PLEKHH2: variants seen among roughly 807,000 people sequenced by gnomAD.
The protein encoded by PLEKHH2 is pleckstrin homology domain-containing family H member 2.
In PLEKHH2, 129 loss-of-function variants were observed where a neutral mutation model predicts 187.9. That is an observed-to-expected ratio of 0.69 (90% confidence interval 0.59 to 0.79). The LOEUF (loss-of-function observed/expected upper bound fraction) is 0.79, where lower values mean the gene tolerates loss of function less well. Ranked by LOEUF, PLEKHH2 falls within the 30% of genes least tolerant of loss-of-function variation. The pLI is 0.00. For synonymous variants in PLEKHH2, 686 were observed against 605.6 expected, an observed-to-expected ratio of 1.13 and a Z score of -1.95; for missense variants, 2,076 against 1,751.2, an observed-to-expected ratio of 1.19 and a Z score of -3.31.
chr2:43,643,130 A>C (rs557310784), intron 1 of PLEKHH2, among the ~76,000 whole-genome samples: 1 of 152,124 alleles, frequency 6.6e-6, no homozygotes, highest in Non-Finnish European at 1.5e-5. Flanking sequence ...CTCCTAAATC[A>C]TTGCTAGTAA....
chr2:43,700,130 A>G lies in PLEKHH2; in HGVS notation c.1172A>G (p.Gln391Arg). 3 of 1,614,226 alleles carry G rather than the reference A, an allele frequency of 1.9e-6. No individual in the cohort carries two copies. Among genetic ancestry groups the G allele is most frequent in the Non-Finnish European group, 2.5e-6 (3 of 1,180,040 alleles). Residue 391 changes from glutamine (Q) to arginine (R), a missense_variant, in exon 8 of 30, where the codon CAA becomes CGA. Gln to Arg is a conservative substitution (Grantham distance 43). Transcript: ENST00000282406. ...TCGGATGAACTGAATAAAAAATTTC[A>G]ATCCCAGAGACTCGATTATTCATCT... ...SSSDELNKKF[Q>R]SQRLDYSSSS...
intron 2 of PLEKHH2, among the ~76,000 whole-genome samples, chr2:43,659,422 T>C (rs553343575): frequency 2.0e-5 from 3 of 152,182 alleles, no homozygotes; most frequent in Admixed American, 2.0e-4. Flanking sequence ...TTCATCTCTT[T>C]GACAATCCTA....
intron 19 of PLEKHH2, among the ~76,000 whole-genome samples, chr2:43,731,889 C>G (rs1271776024): frequency 6.6e-6 from 1 of 152,084 alleles, no homozygotes; most frequent in African/African-American, 2.4e-5. Flanking sequence ...TCTAATTTTC[C>G]ACATCACACC....
chr2:43,739,829 C>A (rs1459297670), intron 20 of PLEKHH2, among the ~76,000 whole-genome samples: 2 of 152,244 alleles, frequency 1.3e-5, no homozygotes, highest in Non-Finnish European at 2.9e-5. Context: ...CTGGATCCCT[C>A]CTCTTCCTTC....
chr2:43,762,218 C>T, intron 27 of PLEKHH2, 86 bp from the exon 28 acceptor site: 2 of 1,022,158 alleles, frequency 2.0e-6, no homozygotes, highest in Admixed American at 1.9e-5. Flanking sequence ...TGTTTAATGG[C>T]AAATGTTACA....
intron 6 of PLEKHH2, among the ~76,000 whole-genome samples, chr2:43,695,861 C>A (rs573365669): frequency 3.3e-5 from 5 of 152,308 alleles, no homozygotes; most frequent in Admixed American, 2.0e-4. Context: ...GCATTGAACA[C>A]TTTGGAGGAG....
At chr2:43,710,646 A>C in intron 14 of PLEKHH2, 71 bp downstream of exon 14, 4 of 1,503,848 alleles carry the variant, frequency 2.7e-6, no homozygotes, top group East Asian at 2.4e-5. Flanking sequence ...ATCCAACCTA[A>C]TGGAAAGGAG....
intron 23 of PLEKHH2, among the ~76,000 whole-genome samples, chr2:43,745,640 C>T (rs933997820): frequency 2.0e-5 from 3 of 152,140 alleles, no homozygotes; most frequent in Admixed American, 6.6e-5. Context: ...GTAAAAAATG[C>T]GTGGCCACAG....
intron 24 of PLEKHH2, among the ~76,000 whole-genome samples, chr2:43,748,114 AG>A (rs1412890603): frequency 1.3e-5 from 2 of 152,242 alleles, no homozygotes; most frequent in African/African-American, 2.4e-5. Flanking sequence ...GGCCACTTAA[AG>A]GGCCACCCAG....
intron 24 of PLEKHH2, among the ~76,000 whole-genome samples, chr2:43,746,588 C>T (rs1472969749): frequency 6.6e-6 from 1 of 152,112 alleles, no homozygotes; most frequent in East Asian, 1.9e-4. Context: ...AAAATAGTTG[C>T]TCTCTTAGAG....
At chr2:43,725,915 G>A (rs570744439) in intron 16 of PLEKHH2, among the ~76,000 whole-genome samples, 1 of 151,996 alleles carries the variant, frequency 6.6e-6, no homozygotes, top group East Asian at 1.9e-4. Context: ...GTCTGAGACT[G>A]GCCTGGGCAA....
chr2:43,763,441 G>T (rs961425190), intron 28 of PLEKHH2, among the ~76,000 whole-genome samples: 2 of 151,036 alleles, frequency 1.3e-5, no homozygotes, highest in Non-Finnish European at 3.0e-5. Flanking sequence ...TTTTTTTGAG[G>T]CAGGGTCTTA....
At chr2:43,660,517 G>A in intron 2 of PLEKHH2, among the ~76,000 whole-genome samples, 1 of 115,406 alleles carries the variant, frequency 8.7e-6, no homozygotes, top group Middle Eastern at 5.5e-3. Context: ...TGTGCACATT[G>A]TGCAGGTTAG....
At position 43,731,526 on chromosome 2, in the gene PLEKHH2, G is replaced by A; in HGVS notation, c.2867G>A (p.Ser956Asn). ...TGGAGACACCCCACTTTGTGTCACA[G>A]TAAAGAAGGAATCATTTCCCCTCTG... Reference protein sequence around the residue: ...QIWRHPTLCHSKEGIISPLTT... With the variant: ...QIWRHPTLCHNKEGIISPLTT... The change falls in exon 19 of 30, where the codon AGT becomes AAT. Residue 956 changes from serine (S) to asparagine (N), a missense_variant. Ser to Asn is a conservative substitution (Grantham distance 46). Transcript: ENST00000282406. The A allele has an allele frequency of 6.2e-7, 1 of 1,606,000 alleles. No homozygotes were observed. Among genetic ancestry groups the A allele is most frequent in the South Asian group, 1.1e-5 (1 of 90,644 alleles).
intron 1 of PLEKHH2, among the ~76,000 whole-genome samples, chr2:43,638,248 A>AACACACAC (rs70965309): frequency 7.5e-4 from 112 of 148,866 alleles, no homozygotes; most frequent in African/African-American, 1.9e-3. Context: ...AAGATCTTTT[A>AACACACAC]ACACACACAC....
chr2:43,740,752 G>A (rs1671526037), intron 20 of PLEKHH2, 194 bp from the exon 21 acceptor site: 1 of 1,016,842 alleles, frequency 9.8e-7, no homozygotes, highest in African/African-American at 1.7e-5. Flanking sequence ...ACAACTAGAT[G>A]GATCATAGAT....
At chr2:43,732,783 A>T (rs1307492200) in intron 19 of PLEKHH2, among the ~76,000 whole-genome samples, 1 of 151,794 alleles carries the variant, frequency 6.6e-6, no homozygotes, top group Non-Finnish European at 1.5e-5. Flanking sequence ...GTTCCTTGGG[A>T]CCCATAATTC....
intron 28 of PLEKHH2, among the ~76,000 whole-genome samples, chr2:43,762,982 G>T (rs1336502563): frequency 6.6e-6 from 1 of 151,992 alleles, no homozygotes; most frequent in Non-Finnish European, 1.5e-5. Flanking sequence ...AAATTCACCT[G>T]GCAGGTCTAA....
At chr2:43,640,989 TG>T (rs1447349997) in intron 1 of PLEKHH2, among the ~76,000 whole-genome samples, 1 of 150,436 alleles carries the variant, frequency 6.6e-6, no homozygotes, top group Non-Finnish European at 1.5e-5. Flanking sequence ...GACAGGGTTT[TG>T]CCACCTTGCC....
Sources: allele counts gnomAD v4.1 joint callset (sites outside exome capture counted in the v4.1 genomes callset), GRCh38; gene constraint gnomAD v4.1.1; transcripts MANE v1.5; gene names NCBI Gene and HGNC (gene_info 2026-07-23, HGNC 2026-07-21).